RASEF: variants seen among roughly 807,000 people sequenced by gnomAD.
The protein encoded by RASEF is ras and EF-hand domain-containing protein.
Under a neutral mutation model 90.1 loss-of-function variants are expected in RASEF, and 68 were observed. The ratio of observed to expected loss-of-function variants is 0.75; its 90% CI spans 0.62 to 0.92. The LOEUF (loss-of-function observed/expected upper bound fraction) is 0.92. RASEF is among the 40% of genes least tolerant of loss of function. The pLI is 0.00. For missense variants in RASEF, 949 were observed against 937.2 expected (o/e 1.01, Z -0.16); for synonymous variants, 331 against 345.2 (o/e 0.96, Z 0.46).
chr9:83,161,354 A>G, the RASEF span, among the ~76,000 whole-genome samples: 1 of 152,206 alleles, frequency 6.6e-6, no homozygotes, highest in African/African-American at 2.4e-5. Flanking sequence ...GAGACATGGA[A>G]TCAAAGGAGA....
At chr9:83,211,689 T>C in the RASEF span, among the ~76,000 whole-genome samples, 1 of 152,194 alleles carries the variant, frequency 6.6e-6, no homozygotes, top group Non-Finnish European at 1.5e-5. Context: ...CCTTATTTTT[T>C]ATCATGATGC....
At chr9:83,144,412 G>GAAAGAAAGAAAGAAAGAAAGAAAGAA in the RASEF span, among the ~76,000 whole-genome samples, 1 of 122,768 alleles carries the variant, frequency 8.1e-6, no homozygotes, top group Non-Finnish European at 1.8e-5. Flanking sequence ...AAGAAAGAAA[G>GAAAGAAAGAAAGAAAGAAAGAAAGAA]AAAGAAAAGA....
upstream of RASEF, among the ~76,000 whole-genome samples, chr9:83,067,013 A>C (rs1449641257): frequency 1.3e-5 from 2 of 152,138 alleles, no homozygotes; most frequent in Admixed American, 1.3e-4. Context: ...AATTGGCCCA[A>C]CTTCCCATAA....
the RASEF span, among the ~76,000 whole-genome samples, chr9:83,182,690 TCAAA>T: frequency 2.0e-5 from 3 of 152,074 alleles, no homozygotes; most frequent in South Asian, 4.1e-4. Flanking sequence ...AGCAAAATGG[TCAAA>T]CAGACTAGTA....
chr9:83,170,558 C>G, the RASEF span, among the ~76,000 whole-genome samples: 113,178 of 151,688 alleles, frequency 0.75, 42,492 homozygotes, highest in Middle Eastern at 0.85. Context: ...ATGAACCTGG[C>G]ATATTTTTTC....
chr9:83,113,844 T>C, the RASEF span, among the ~76,000 whole-genome samples: 1 of 152,204 alleles, frequency 6.6e-6, no homozygotes, highest in Non-Finnish European at 1.5e-5. Context: ...CCCTCATCAG[T>C]AATTCTAACT....
chr9:83,135,957 C>T, the RASEF span, among the ~76,000 whole-genome samples: 289 of 152,080 alleles, frequency 1.9e-3, 2 homozygotes, highest in African/African-American at 6.1e-3. Context: ...GTAATTATTA[C>T]GGTTTCCCTG....
At chr9:83,025,963 T>G (rs1369579972) in intron 1 of RASEF, 42 bp from the exon 2 acceptor site, 1 of 1,467,746 alleles carries the variant, frequency 6.8e-7, no homozygotes, top group South Asian at 1.3e-5. Flanking sequence ...TTATAAAATT[T>G]TAAAGGCAAC....
At chr9:83,193,909 T>A in the RASEF span, among the ~76,000 whole-genome samples, 1 of 152,206 alleles carries the variant, frequency 6.6e-6, no homozygotes, top group Non-Finnish European at 1.5e-5. Context: ...AGTCAGCCTA[T>A]GAAGTTCGAG....
intron 5 of RASEF, among the ~76,000 whole-genome samples, chr9:83,011,784 T>C (rs988471866): frequency 6.6e-6 from 1 of 151,982 alleles, no homozygotes; most frequent in Non-Finnish European, 1.5e-5. Flanking sequence ...ATACAAAGCC[T>C]ACTAAGATGT....
the RASEF span, among the ~76,000 whole-genome samples, chr9:83,084,726 C>T: frequency 2.6e-5 from 4 of 152,098 alleles, no homozygotes; most frequent in African/African-American, 7.2e-5. Flanking sequence ...AGGAAGACAC[C>T]CCCACTCTTA....
the RASEF span, among the ~76,000 whole-genome samples, chr9:83,189,801 C>T: frequency 6.6e-6 from 1 of 152,204 alleles, no homozygotes; most frequent in Non-Finnish European, 1.5e-5. Context: ...ATCTTTTCTA[C>T]AGCCTGTCCC....
chr9:83,156,774 A>G, the RASEF span, among the ~76,000 whole-genome samples: 1 of 152,174 alleles, frequency 6.6e-6, no homozygotes, highest in Non-Finnish European at 1.5e-5. Flanking sequence ...CTCATCTTTA[A>G]TAAAGCATTG....
At chr9:83,043,397 T>TG (rs33937452) in intron 1 of RASEF, among the ~76,000 whole-genome samples, 17,354 of 119,176 alleles carry the variant, frequency 0.15, 1,397 homozygotes, top group African/African-American at 0.28. Flanking sequence ...CTGCAGTGAT[T>TG]GGGGGGGGGG....
the RASEF span, among the ~76,000 whole-genome samples, chr9:83,141,140 T>C: frequency 3.2e-5 from 3 of 92,936 alleles, no homozygotes; most frequent in South Asian, 3.7e-4. Context: ...CAAAATTCCA[T>C]CTCAAAAAAA....
At chr9:83,057,478 GA>G (rs1830121812) in intron 1 of RASEF, among the ~76,000 whole-genome samples, 1 of 152,122 alleles carries the variant, frequency 6.6e-6, no homozygotes, top group Admixed American at 6.5e-5. Context: ...ACACATTAAA[GA>G]GAAAAAGCAA....
chr9:83,105,374 T>A, the RASEF span, among the ~76,000 whole-genome samples: 4 of 152,178 alleles, frequency 2.6e-5, no homozygotes, highest in Non-Finnish European at 5.9e-5. Flanking sequence ...TTATCAAGTC[T>A]AGAAAATGAC....
the RASEF span, among the ~76,000 whole-genome samples, chr9:83,208,301 G>T: frequency 6.6e-6 from 1 of 152,190 alleles, no homozygotes; most frequent in Admixed American, 6.5e-5. Flanking sequence ...GTACCAGTGT[G>T]CTACCCCTTG....
chr9:83,099,414 C>T, the RASEF span, among the ~76,000 whole-genome samples: 1 of 152,192 alleles, frequency 6.6e-6, no homozygotes, highest in Non-Finnish European at 1.5e-5. Flanking sequence ...AGGCGAGATC[C>T]TGTTCACCAT....
Sources: gnomAD v4.1 joint callset for allele counts (sites outside exome capture counted in the v4.1 genomes callset) on GRCh38, gnomAD v4.1.1 for gene constraint, MANE v1.5 for transcripts, NCBI Gene and HGNC (gene_info 2026-07-23, HGNC 2026-07-21) for gene names.